The following SCAI variants were observed in gnomAD, a reference collection of about 807,000 sequenced individuals.
The protein encoded by SCAI is suppressor of cancer cell invasion, also known as protein SCAI.
Under a neutral mutation model 92.2 loss-of-function variants are expected in SCAI, and 24 were observed. That is an observed-to-expected ratio of 0.26 (90% CI 0.19 to 0.37). The LOEUF (loss-of-function observed/expected upper bound fraction) is 0.37, where lower values mean the gene tolerates loss of function less well. Ranked by LOEUF, SCAI falls within the 10% of genes least tolerant of loss-of-function variation. The pLI is 1.00. For synonymous variants in SCAI, 261 were observed against 258.6 expected, an observed-to-expected ratio of 1.01 and a Z score of -0.09; for missense variants, 450 against 736.2, an observed-to-expected ratio of 0.61 and a Z score of 4.50.
In SCAI at chr9:125,098,324, T is replaced by C. The variant is rs764444833; in HGVS notation, c.99-42317A>G. On this transcript the variant is annotated intron_variant, in intron 2 of 17. Coordinates refer to ENST00000336505, the MANE Select transcript of SCAI (RefSeq NM_001144877.3). Reference sequence around the variant, plus strand: ...CTCCTGCCTCGGCTTCCCAAAGTGCTGGGATTACAGGTGTGAGCCATCATG... The same window carrying C: ...CTCCTGCCTCGGCTTCCCAAAGTGCCGGGATTACAGGTGTGAGCCATCATG... 1.7e-4 allele frequency among the ~76,000 whole-genome samples: 26 copies of C among 152,244 alleles called. No individual in the cohort carries two copies. The South Asian group carries it at 3.1e-3, about 18-fold the overall frequency.
chr9:124,961,159 G>A (rs556551855), intron 17 of SCAI, among the ~76,000 whole-genome samples: 1 of 151,512 alleles, frequency 6.6e-6, no homozygotes, highest in South Asian at 2.1e-4. Context: ...TAGTAGTTGG[G>A]CAGTGGCAAT....
At chr9:125,107,771 A>C (rs1316878489) in intron 2 of SCAI, among the ~76,000 whole-genome samples, 2 of 152,102 alleles carry the variant, frequency 1.3e-5, no homozygotes, top group Non-Finnish European at 2.9e-5. Flanking sequence ...CCATCTCTAA[A>C]AATAAATTTT....
intron 14 of SCAI, among the ~76,000 whole-genome samples, chr9:124,993,665 G>T (rs1294384771): frequency 6.6e-6 from 1 of 152,168 alleles, no homozygotes; most frequent in Non-Finnish European, 1.5e-5. Context: ...AAATGAGTAG[G>T]AGGAAAAATG....
rs1456342586 is a variant in SCAI, at chr9:125,069,442, C to T, written c.99-13435G>A. ...ATGCCATTCTTCTGCCTCAGCCTCCCGAGTAGCTGGGACTACAGGCGCCCA... is the reference window on the plus strand; with the variant it reads ...ATGCCATTCTTCTGCCTCAGCCTCCTGAGTAGCTGGGACTACAGGCGCCCA... On this transcript the variant is annotated intron_variant, in intron 2 of 17. Coordinates refer to ENST00000336505, the MANE Select transcript of SCAI (RefSeq NM_001144877.3). Among the ~76,000 whole-genome samples, 6 of 149,350 alleles carry T rather than the reference C, an allele frequency of 4.0e-5. No homozygotes were observed. The East Asian group carries it at 1.0e-3, about 26-fold the overall frequency.
intron 2 of SCAI, among the ~76,000 whole-genome samples, chr9:125,136,573 G>A (rs1040858338): frequency 1.4e-5 from 2 of 138,808 alleles, no homozygotes; most frequent in South Asian, 2.4e-4. Flanking sequence ...CGATTCTCCC[G>A]CCCCAGCCTC....
chr9:125,090,586 A>T (rs1001482550), intron 2 of SCAI, among the ~76,000 whole-genome samples: 29 of 152,178 alleles, frequency 1.9e-4, no homozygotes, highest in African/African-American at 6.5e-4. Flanking sequence ...TTTCATCTCC[A>T]CTGTCACTAT....
At chr9:125,089,558 G>A (rs1300835695) in intron 2 of SCAI, among the ~76,000 whole-genome samples, 1 of 152,158 alleles carries the variant, frequency 6.6e-6, no homozygotes, top group Non-Finnish European at 1.5e-5. Context: ...TTAACAGAAA[G>A]GCAGAATCTT....
At chr9:125,031,224 G>C (rs188988844) in intron 3 of SCAI, among the ~76,000 whole-genome samples, 119 of 152,024 alleles carry the variant, frequency 7.8e-4, no homozygotes, top group Non-Finnish European at 1.3e-3. Context: ...AAATTATAAA[G>C]AGTCAACTAC....
chr9:125,138,675 A>G (rs1267005297), intron 2 of SCAI, among the ~76,000 whole-genome samples: 1 of 151,948 alleles, frequency 6.6e-6, no homozygotes, highest in Non-Finnish European at 1.5e-5. Flanking sequence ...TGGCCTCCCA[A>G]AGTGCTGGGA....
intron 2 of SCAI, among the ~76,000 whole-genome samples, chr9:125,125,542 A>G (rs1436226705): frequency 1.3e-5 from 2 of 151,668 alleles, no homozygotes; most frequent in Non-Finnish European, 2.9e-5. Flanking sequence ...AAAAAAAGAA[A>G]GAAAAATAAA....
intron 17 of SCAI, among the ~76,000 whole-genome samples, chr9:124,959,505 CAT>C (rs558260282): frequency 3.6e-4 from 53 of 145,948 alleles, no homozygotes; most frequent in Admixed American, 5.5e-4. Context: ...TATATATACA[CAT>C]ATATATATAT....
At chr9:125,028,554 G>T (rs117662870) in intron 4 of SCAI, 76 bp from the exon 5 acceptor site, 35 of 683,700 alleles carry the variant, frequency 5.1e-5, no homozygotes, top group Non-Finnish European at 7.8e-5. Flanking sequence ...AAATTCAATA[G>T]GATAAAATAC....
Position 125,129,389 on chromosome 9 carries a change from C to T in SCAI, c.98+13244G>A, listed in dbSNP as rs141356201. Among the ~76,000 whole-genome samples the T allele has an allele frequency of 1.7e-4, 25 of 148,888 alleles. No homozygotes were observed. In the East Asian group the frequency reaches 4.9e-3, roughly 29 times the overall value. ...CCAGGGGGCGGAGGTTGCAGTGAGC[C>T]GAGATCACGCAGACTCCAACTTAAA... On this transcript the variant is annotated intron_variant, in intron 2 of 17. Coordinates refer to ENST00000336505, the MANE Select transcript of SCAI (RefSeq NM_001144877.3).
chr9:125,111,224 C>A (rs1167936359), intron 2 of SCAI, among the ~76,000 whole-genome samples: 2 of 150,948 alleles, frequency 1.3e-5, no homozygotes, highest in African/African-American at 4.9e-5. Context: ...AAAAATCAAT[C>A]AAATTAATTC....
At chr9:124,987,962 C>CA (rs1334543424) in intron 14 of SCAI, among the ~76,000 whole-genome samples, 1 of 151,220 alleles carries the variant, frequency 6.6e-6, no homozygotes, top group East Asian at 1.9e-4. Context: ...GACTTCTTCT[C>CA]AAAAAACAAA....
intron 14 of SCAI, among the ~76,000 whole-genome samples, chr9:124,989,532 T>G (rs140858343): frequency 0.022 from 3,333 of 151,392 alleles, 54 homozygotes; most frequent in Non-Finnish European, 0.033. Context: ...AGTGAGCCGA[T>G]ATCACATCAC....
chr9:125,026,962 A>T, intron 5 of SCAI, 52 bp from the exon 6 acceptor site: 1 of 1,067,164 alleles, frequency 9.4e-7, no homozygotes. Context: ...ACTCTTCACC[A>T]TGGTAAATAC....
chr9:125,142,564 T>C (rs557282274), intron 2 of SCAI, 69 bp downstream of exon 2: 4 of 1,097,398 alleles, frequency 3.6e-6, no homozygotes, highest in East Asian at 4.7e-5. Flanking sequence ...TATACAATTA[T>C]GCAGTACGGC....
chr9:125,106,116 AAAAAAAATATATATATATATATATATAT>A (rs1834778875), intron 2 of SCAI, among the ~76,000 whole-genome samples: 1 of 37,482 alleles, frequency 2.7e-5, no homozygotes, highest in Non-Finnish European at 5.7e-5. Context: ...AAAAAAAAAA[AAAAAAAATATATATATATATATATATAT>A]ATATATATAT....
Sources: gnomAD v4.1 joint callset for allele counts (sites outside exome capture counted in the v4.1 genomes callset) on GRCh38, gnomAD v4.1.1 for gene constraint, MANE v1.5 for transcripts, NCBI Gene and HGNC (gene_info 2026-07-23, HGNC 2026-07-21) for gene names.